Variants in KCNJ3 observed in about 807,000 individuals in gnomAD.
The protein encoded by KCNJ3 is potassium inwardly rectifying channel subfamily J member 3.
In KCNJ3, 4 loss-of-function variants were observed where a neutral mutation model predicts 39.2. The observed-to-expected ratio is 0.10, with a 90% CI of 0.05 to 0.23. The LOEUF (loss-of-function observed/expected upper bound fraction) is 0.23. KCNJ3 is among the 10% of genes least tolerant of loss of function. The pLI, the probability that KCNJ3 is intolerant of heterozygous loss-of-function variation, is 1.00. For missense variants in KCNJ3, 276 were observed against 634.9 expected, an observed-to-expected ratio of 0.43 and a Z score of 6.08; for synonymous variants, 230 against 237.4, an observed-to-expected ratio of 0.97 and a Z score of 0.29.
chr2:154,742,703 C>T (rs575594492), intron 2 of KCNJ3, among the ~76,000 whole-genome samples: 1 of 151,832 alleles, frequency 6.6e-6, no homozygotes, highest in South Asian at 2.1e-4. Flanking sequence ...GTTCTTTGCT[C>T]ATGTTTGAAT....
chr2:154,756,917 T>C (rs1271623982), intron 2 of KCNJ3, among the ~76,000 whole-genome samples: 11 of 152,166 alleles, frequency 7.2e-5, no homozygotes, highest in Admixed American at 7.2e-4. Flanking sequence ...TGTGAGAGGA[T>C]TTTGACTGAA....
rs554059589 is a variant in KCNJ3 at position 154,765,812 on chromosome 2, T to G, written c.919+55993T>G. 5.9e-5 allele frequency among the ~76,000 whole-genome samples: 9 copies of G among 152,346 alleles called. No homozygotes were observed. The East Asian group carries it at 1.7e-3, about 29-fold the overall frequency. The stretch of plus-strand genomic sequence containing the variant: ...TCTAGTTAGTTCAGTTTCAACATTA[T>G]AGCACATTACATTACTTTTTCAATG... On this transcript the variant is annotated intron_variant, in intron 2 of 2. Transcript: ENST00000295101.
chr2:154,730,598 A>G (rs1685433117), intron 2 of KCNJ3, among the ~76,000 whole-genome samples: 1 of 152,140 alleles, frequency 6.6e-6, no homozygotes, highest in Middle Eastern at 3.2e-3. Flanking sequence ...CTTTTTTAAT[A>G]TGAAATAAGG....
At position 154,738,014 on chromosome 2, in the gene KCNJ3, A is replaced by G. The variant is rs535600803; in HGVS notation, c.919+28195A>G. Among the ~76,000 whole-genome samples, 8 of 152,260 alleles carry G rather than the reference A, an allele frequency of 5.3e-5. No individual in the cohort carries two copies. In the South Asian group the frequency reaches 1.4e-3, roughly 28 times the overall value. On this transcript the variant is annotated intron_variant, in intron 2 of 2. Coordinates refer to ENST00000295101, the MANE Select transcript of KCNJ3 (RefSeq NM_002239.4). ...TGATAGTACTCCATTTTGTATATGTACCACATTTTCTTTATCCATTCATCT... is the reference window on the plus strand; with the variant it reads ...TGATAGTACTCCATTTTGTATATGTGCCACATTTTCTTTATCCATTCATCT...
At chr2:154,761,080 T>G (rs1686034699) in intron 2 of KCNJ3, among the ~76,000 whole-genome samples, 1 of 137,442 alleles carries the variant, frequency 7.3e-6, no homozygotes. Flanking sequence ...TTTTTTTTTG[T>G]TGTAGAGACA....
At chr2:154,777,925 T>C (rs1471576896) in intron 2 of KCNJ3, among the ~76,000 whole-genome samples, 1 of 152,186 alleles carries the variant, frequency 6.6e-6, no homozygotes, top group Non-Finnish European at 1.5e-5. Context: ...GGAGCTTTCA[T>C]AGCAAAAATC....
chr2:154,802,929 T>C (rs1221260478), intron 2 of KCNJ3, among the ~76,000 whole-genome samples: 2 of 152,056 alleles, frequency 1.3e-5, no homozygotes, highest in Non-Finnish European at 1.5e-5. Context: ...TTCTAGATTT[T>C]GCAATTAACC....
chr2:154,786,653 CT>C (rs1686535203), intron 2 of KCNJ3, among the ~76,000 whole-genome samples: 1 of 152,108 alleles, frequency 6.6e-6, no homozygotes, highest in Non-Finnish European at 1.5e-5. Context: ...TTTATTGCCC[CT>C]GGCCCAAACA....
Position 154,857,397 on chromosome 2 carries a change from A to G in KCNJ3, c.*2084A>G, listed in dbSNP as rs896094701. On this transcript the variant is annotated 3_prime_UTR_variant, in exon 3 of 3. Coordinates refer to ENST00000295101, the MANE Select transcript of KCNJ3 (RefSeq NM_002239.4). ...GACGGAACCAAAAACAAACTCTCCAAGTATATTCACACATTCAACAAAATT... is the reference window on the plus strand; with the variant it reads ...GACGGAACCAAAAACAAACTCTCCAGGTATATTCACACATTCAACAAAATT... The G allele has an allele frequency of 1.3e-5, 2 of 152,186 alleles. No individual in the cohort carries two copies. The highest frequency in any genetic ancestry group is 4.8e-5 in the African/African-American group (2 of 41,438). 9.4% of individuals were successfully genotyped at this position (152,186 alleles called of 1,614,324 possible).
At chr2:154,736,560 C>G (rs1685534384) in intron 2 of KCNJ3, among the ~76,000 whole-genome samples, 1 of 152,044 alleles carries the variant, frequency 6.6e-6, no homozygotes, top group African/African-American at 2.4e-5. Context: ...CTTACCAACT[C>G]AGAGGGTTTT....
intron 2 of KCNJ3, among the ~76,000 whole-genome samples, chr2:154,854,340 A>G (rs1393112622): frequency 6.6e-6 from 1 of 152,152 alleles, no homozygotes; most frequent in African/African-American, 2.4e-5. Flanking sequence ...GTTTAGATTC[A>G]AAATCAGATT....
At chr2:154,717,799 G>T (rs1286433268) in intron 2 of KCNJ3, among the ~76,000 whole-genome samples, 1 of 152,128 alleles carries the variant, frequency 6.6e-6, no homozygotes, top group African/African-American at 2.4e-5. Context: ...CTCTCTTAAT[G>T]ATTTGACAAT....
chr2:154,818,465 C>T (rs559376957), intron 2 of KCNJ3, among the ~76,000 whole-genome samples: 3 of 152,206 alleles, frequency 2.0e-5, no homozygotes, highest in Non-Finnish European at 4.4e-5. Flanking sequence ...ATCATTATTA[C>T]TTTGTTTTAT....
In KCNJ3 at chr2:154,833,315, C is replaced by T. The variant is rs78568836; in HGVS notation, c.920-21412C>T. 2.9e-4 allele frequency among the ~76,000 whole-genome samples: 44 copies of T among 152,300 alleles called. No individual in the cohort carries two copies. In the East Asian group the frequency reaches 8.3e-3, roughly 29 times the overall value. Reference sequence around the variant, plus strand: ...GCCTTAAGCAAGTTATGTAACCTCTCTTAAGTACAAGGTTTTTCTGTTTTT... The same window carrying T: ...GCCTTAAGCAAGTTATGTAACCTCTTTTAAGTACAAGGTTTTTCTGTTTTT... On this transcript the variant is annotated intron_variant, in intron 2 of 2. Transcript: ENST00000295101.
chr2:154,705,572 GTATAAATGAC>G (rs1213781650), intron 1 of KCNJ3, among the ~76,000 whole-genome samples: 1 of 152,026 alleles, frequency 6.6e-6, no homozygotes, highest in Non-Finnish European at 1.5e-5. Flanking sequence ...TTTGAAATTA[GTATAAATGAC>G]TATAAAATGT....
intron 2 of KCNJ3, among the ~76,000 whole-genome samples, chr2:154,742,393 C>A (rs1685669061): frequency 6.6e-6 from 1 of 151,792 alleles, no homozygotes; most frequent in South Asian, 2.1e-4. Flanking sequence ...GGTGTATACT[C>A]AGAAGTAAAA....
chr2:154,741,955 T>C (rs1685661158), intron 2 of KCNJ3, among the ~76,000 whole-genome samples: 1 of 151,854 alleles, frequency 6.6e-6, no homozygotes, highest in African/African-American at 2.4e-5. Flanking sequence ...CATAATGTCG[T>C]GCAATCGTCA....
In KCNJ3 at chr2:154,798,218, A is replaced by G. The variant is rs1021485612; in HGVS notation, c.920-56509A>G. On this transcript the variant is annotated intron_variant, in intron 2 of 2. Transcript: ENST00000295101. ...CACACACACACACACACACACACAC[A>G]CACGCACAGAGTCTGTTCCCTAGCC... Among the ~76,000 whole-genome samples the G allele has an allele frequency of 4.3e-5, 5 of 116,454 alleles. No homozygotes were observed. In the East Asian group the frequency reaches 6.5e-4, roughly 15 times the overall value. 76.4% of individuals were successfully genotyped at this position (116,454 alleles called of 152,430 possible). A position where few individuals can be genotyped will look rare whatever the true frequency, so the allele number is the denominator to read the frequency against.
At chr2:154,758,332 C>G (rs1170221994) in intron 2 of KCNJ3, among the ~76,000 whole-genome samples, 1 of 152,086 alleles carries the variant, frequency 6.6e-6, no homozygotes, top group Non-Finnish European at 1.5e-5. Flanking sequence ...CAACATAGTA[C>G]AGTTGTTCCT....
Sources: allele counts gnomAD v4.1 joint callset (sites outside exome capture counted in the v4.1 genomes callset), GRCh38; gene constraint gnomAD v4.1.1; transcripts MANE v1.5; gene names NCBI Gene and HGNC (gene_info 2026-07-23, HGNC 2026-07-21).